RAPGEF1: variants seen among roughly 807,000 people sequenced by gnomAD.
The protein encoded by RAPGEF1 is CRK SH3-binding GNRP.
RAPGEF1 carries 33 observed loss-of-function variants against 143.3 expected under a neutral mutation model. The ratio of observed to expected loss-of-function variants is 0.23; its 90% confidence interval spans 0.17 to 0.31. The LOEUF (loss-of-function observed/expected upper bound fraction) is 0.31. Among genes scored for constraint, RAPGEF1 ranks in the 10% least tolerant of loss-of-function variants. The pLI is 1.00. For synonymous variants in RAPGEF1, 629 were observed against 676.5 expected, an observed-to-expected ratio of 0.93 and a Z score of 1.09; for missense variants, 1,199 against 1,645.4, an observed-to-expected ratio of 0.73 and a Z score of 4.69.
chr9:131,668,730 G>A (rs1050470206), intron 1 of RAPGEF1, among the ~76,000 whole-genome samples: 1 of 152,250 alleles, frequency 6.6e-6, no homozygotes, highest in Non-Finnish European at 1.5e-5. Context: ...GGCTTCCTGA[G>A]ATGTGAATTA....
intron 1 of RAPGEF1, among the ~76,000 whole-genome samples, chr9:131,676,873 A>G (rs1282997569): frequency 6.6e-6 from 1 of 152,196 alleles, no homozygotes; most frequent in Non-Finnish European, 1.5e-5. Context: ...TCACCAAGAG[A>G]CTTCTTAGAA....
At chr9:131,637,788 G>A (rs1299137975) in intron 5 of RAPGEF1, among the ~76,000 whole-genome samples, 1 of 152,170 alleles carries the variant, frequency 6.6e-6, no homozygotes, top group South Asian at 2.1e-4. Flanking sequence ...TGAGATGCAC[G>A]ATGCTATTAT....
At chr9:131,724,107 G>T (rs72759885) in intron 1 of RAPGEF1, among the ~76,000 whole-genome samples, 1 of 152,200 alleles carries the variant, frequency 6.6e-6, no homozygotes, top group South Asian at 2.1e-4. Context: ...TACTACTGCC[G>T]AGAGAAGACA....
chr9:131,603,915 C>T, intron 14 of RAPGEF1, 46 bp downstream of exon 14: 1 of 1,206,576 alleles, frequency 8.3e-7, no homozygotes, highest in Non-Finnish European at 1.1e-6. Context: ...GAGCCCAAGC[C>T]CCACCAGGCC....
chr9:131,737,414 T>C (rs1471293353), intron 1 of RAPGEF1: 2 of 1,613,762 alleles, frequency 1.2e-6, no homozygotes, highest in East Asian at 2.2e-5. Flanking sequence ...CCTGTGTCCA[T>C]GGCAGCACGG....
At chr9:131,722,656 G>A (rs1056719237) in intron 1 of RAPGEF1, among the ~76,000 whole-genome samples, 2 of 152,240 alleles carry the variant, frequency 1.3e-5, no homozygotes, top group Non-Finnish European at 2.9e-5. Flanking sequence ...GAAAGGCCCA[G>A]GTCCAAGATG....
In RAPGEF1 at chr9:131,584,428, C is replaced by A. The variant is rs190146031; in HGVS notation, c.3313-16G>T. 2.0e-4 allele frequency: 317 copies of A among 1,613,426 alleles called. No homozygotes were observed. Among genetic ancestry groups the A allele is most frequent in the Middle Eastern group, 4.9e-4 (3 of 6,062 alleles). The stretch of plus-strand genomic sequence containing the variant: ...TCCGCAAGTGCTGCCGAGAGAGGGG[C>A]GGTGCCGTGAGGCAGGAGGGCAGGC... On this transcript the variant is annotated splice_polypyrimidine_tract_variant and intron_variant, in intron 23 of 26. Coordinates refer to ENST00000683357, the MANE Select transcript of RAPGEF1 (RefSeq NM_001377935.1). The surrounding 1 kb of genome is among the most constrained non-coding windows in gnomAD (Gnocchi z 6.8).
chr9:131,704,022 C>T (rs911346546), intron 1 of RAPGEF1, among the ~76,000 whole-genome samples: 1 of 152,120 alleles, frequency 6.6e-6, no homozygotes, highest in Non-Finnish European at 1.5e-5. Context: ...TCACTGTATG[C>T]TAAGGGCTAT....
At chr9:131,683,299 TAA>T (rs1171108677) in intron 1 of RAPGEF1, among the ~76,000 whole-genome samples, 1 of 152,224 alleles carries the variant, frequency 6.6e-6, no homozygotes, top group Non-Finnish European at 1.5e-5. Context: ...GGCCGCTAAG[TAA>T]AGAGAAACTG....
At chr9:131,681,266 G>A (rs1288197207) in intron 1 of RAPGEF1, among the ~76,000 whole-genome samples, 1 of 152,062 alleles carries the variant, frequency 6.6e-6, no homozygotes, top group African/African-American at 2.4e-5. Context: ...AGGACACTGG[G>A]CGAAAATTAG....
chr9:131,610,028 G>C (rs559182253), intron 12 of RAPGEF1, among the ~76,000 whole-genome samples: 3 of 152,222 alleles, frequency 2.0e-5, no homozygotes, highest in East Asian at 1.9e-4. Flanking sequence ...TCTCAAATAG[G>C]GGGGAATATA....
intron 1 of RAPGEF1, among the ~76,000 whole-genome samples, chr9:131,672,225 T>C (rs1165508075): frequency 2.6e-5 from 4 of 152,260 alleles, no homozygotes; most frequent in Admixed American, 1.3e-4. Context: ...ATAAGCTTTT[T>C]GACCCCGGTA....
chr9:131,660,477 T>G (rs1191843995), intron 1 of RAPGEF1, among the ~76,000 whole-genome samples: 4 of 152,096 alleles, frequency 2.6e-5, no homozygotes, highest in African/African-American at 9.6e-5. Context: ...TTGTGGGCAT[T>G]TTCCCATGTG....
intron 1 of RAPGEF1, among the ~76,000 whole-genome samples, chr9:131,703,683 C>T (rs1564184014): frequency 6.6e-6 from 1 of 152,198 alleles, no homozygotes; most frequent in Non-Finnish European, 1.5e-5. Context: ...AGAAATTCAA[C>T]ACCATAAAAA....
chr9:131,656,658 G>GC (rs1972551865), intron 1 of RAPGEF1, among the ~76,000 whole-genome samples: 3 of 152,182 alleles, frequency 2.0e-5, no homozygotes, highest in Non-Finnish European at 1.5e-5. Flanking sequence ...TGAGGAGCTG[G>GC]CAAGATTCAC....
At chr9:131,592,225 A>G in intron 17 of RAPGEF1, 42 bp from the exon 18 acceptor site, 1 of 1,495,628 alleles carries the variant, frequency 6.7e-7, no homozygotes, top group East Asian at 2.3e-5. Flanking sequence ...CTGGGTGCAG[A>G]GTGCTGGGGG....
chr9:131,640,087 T>C (rs902794353), intron 4 of RAPGEF1, among the ~76,000 whole-genome samples: 6 of 152,192 alleles, frequency 3.9e-5, no homozygotes, highest in African/African-American at 1.4e-4. Context: ...ATTATATGGA[T>C]GAAAAGTATT....
intron 22 of RAPGEF1, among the ~76,000 whole-genome samples, chr9:131,586,585 C>CACA (rs1952922771): frequency 9.2e-6 from 1 of 108,274 alleles, no homozygotes; most frequent in Non-Finnish European, 1.9e-5. Flanking sequence ...CACACACACA[C>CACA]CTGCAGAGCG....
chr9:131,580,778 C>T (rs1206439540), intron 25 of RAPGEF1, among the ~76,000 whole-genome samples: 2 of 151,930 alleles, frequency 1.3e-5, no homozygotes, highest in African/African-American at 2.4e-5. Flanking sequence ...GTGTGGTGGG[C>T]TGGGTGCAAT....
Sources: allele counts gnomAD v4.1 joint callset (sites outside exome capture counted in the v4.1 genomes callset), GRCh38; gene constraint gnomAD v4.1.1; non-coding constraint Gnocchi (gnomAD v3.1); transcripts MANE v1.5; gene names NCBI Gene and HGNC (gene_info 2026-07-23, HGNC 2026-07-21).